Variants in LYRM4 observed in about 807,000 individuals in gnomAD.
LYRM4 encodes the protein LYR motif containing 4.
In LYRM4, 9 loss-of-function variants were observed where a neutral mutation model predicts 11.7. That is an observed-to-expected ratio of 0.77 (90% CI 0.46 to 1.34). LYRM4 has a LOEUF of 1.34. Among genes scored for constraint, LYRM4 ranks in the 40% most tolerant of loss-of-function variants. The probability of loss-of-function intolerance (pLI) is 0.00; values close to 1 mark genes in which losing one functional copy is unlikely to be tolerated. For missense variants in LYRM4, 133 were observed against 112.5 expected, an observed-to-expected ratio of 1.18 and a Z score of -0.82; for synonymous variants, 42 against 40.4, an observed-to-expected ratio of 1.04 and a Z score of -0.15.
At chr6:5,120,900 A>C (rs1031202557) in intron 2 of LYRM4, among the ~76,000 whole-genome samples, 3 of 152,186 alleles carry the variant, frequency 2.0e-5, no homozygotes, top group African/African-American at 7.2e-5. Flanking sequence ...TCGACCCAGG[A>C]AGTCCAGCTG....
intron 2 of LYRM4, among the ~76,000 whole-genome samples, chr6:5,188,092 T>A (rs1760526551): frequency 6.6e-6 from 1 of 152,220 alleles, no homozygotes; most frequent in African/African-American, 2.4e-5. Flanking sequence ...CTCACACCTG[T>A]AATCCCAACA....
At chr6:5,085,622 A>G in the LYRM4 span, 2 of 1,548,106 alleles carry the variant, frequency 1.3e-6, no homozygotes, top group Middle Eastern at 1.7e-4. Context: ...GGCGCTTCGG[A>G]GACCCCGAGT....
intron 2 of LYRM4, among the ~76,000 whole-genome samples, chr6:5,119,123 A>C (rs1159704588): frequency 6.6e-6 from 1 of 152,140 alleles, no homozygotes; most frequent in East Asian, 1.9e-4. Context: ...GTAAGCCTTG[A>C]ATGTTAGATA....
At chr6:5,222,640 A>G (rs1762645074) in intron 1 of LYRM4, among the ~76,000 whole-genome samples, 1 of 152,124 alleles carries the variant, frequency 6.6e-6, no homozygotes, top group Non-Finnish European at 1.5e-5. Flanking sequence ...ATTGAACTGT[A>G]CCCTTAAAAT....
chr6:5,031,903 C>T, the LYRM4 span: 145 of 152,224 alleles, frequency 9.5e-4, no homozygotes, highest in African/African-American at 3.1e-3. Context: ...ATCATCACAA[C>T]ATTTTAAAAA....
chr6:5,072,576 G>GTTTT, the LYRM4 span, among the ~76,000 whole-genome samples: 3 of 131,696 alleles, frequency 2.3e-5, no homozygotes, highest in Admixed American at 1.5e-4. Flanking sequence ...TCACATCAAA[G>GTTTT]TTTTTTTTTT....
At chr6:5,144,351 G>A in intron 2 of LYRM4, 2 of 1,432,390 alleles carry the variant, frequency 1.4e-6, no homozygotes, top group Non-Finnish European at 1.9e-6. Context: ...AAATATGTCA[G>A]GTGAGGCCGG....
chr6:5,240,079 A>G (rs961925205), intron 1 of LYRM4, among the ~76,000 whole-genome samples: 3 of 152,156 alleles, frequency 2.0e-5, no homozygotes, highest in Non-Finnish European at 2.9e-5. Flanking sequence ...AAAACACCAC[A>G]GGCTTCGAAG....
At chr6:5,102,209 G>A (rs1454590994), downstream of LYRM4, among the ~76,000 whole-genome samples, 1 of 151,820 alleles carries the variant, frequency 6.6e-6, no homozygotes, top group Non-Finnish European at 1.5e-5. Flanking sequence ...TGTTGGTTAT[G>A]TTTTAAGTAT....
intron 2 of LYRM4, chr6:5,113,356 T>C: frequency 2.2e-6 from 1 of 446,584 alleles, no homozygotes; most frequent in South Asian, 1.6e-5. Flanking sequence ...ACCTGGGAGG[T>C]GGAGGTTGCT....
At chr6:5,050,301 G>C in the LYRM4 span, among the ~76,000 whole-genome samples, 1 of 152,226 alleles carries the variant, frequency 6.6e-6, no homozygotes, top group Non-Finnish European at 1.5e-5. Context: ...GCCTGAGGCA[G>C]CTTGCAAAAA....
intron 2 of LYRM4, among the ~76,000 whole-genome samples, chr6:5,184,414 C>T (rs1038774799): frequency 3.3e-5 from 5 of 152,190 alleles, no homozygotes; most frequent in Non-Finnish European, 7.3e-5. Flanking sequence ...AGGTATTAAA[C>T]ATCCTGGTGT....
At chr6:5,222,764 G>GAAAAAAAAAAAAAAA (rs56295961) in intron 1 of LYRM4, among the ~76,000 whole-genome samples, 9 of 139,930 alleles carry the variant, frequency 6.4e-5, no homozygotes, top group Non-Finnish European at 9.2e-5. Context: ...AGCAAAACAA[G>GAAAAAAAAAAAAAAA]AAAAAAAAAA....
chr6:5,111,450 A>G (rs145177441), intron 2 of LYRM4, among the ~76,000 whole-genome samples: 66 of 152,344 alleles, frequency 4.3e-4, no homozygotes, highest in Non-Finnish European at 8.4e-4. Flanking sequence ...ATGGGACGGC[A>G]TAAGAAGAAA....
In LYRM4 at chr6:5,242,685, C is replaced by A. The variant is rs370002756; in HGVS notation, c.86+17963G>T. Among the ~76,000 whole-genome samples, 17 of 151,328 alleles carry A rather than the reference C, an allele frequency of 1.1e-4. No individual in the cohort carries two copies. In the East Asian group the frequency reaches 2.2e-3, roughly 19 times the overall value. ...AATGAGCCAAGATCATTCCATTGCACTCCAGCCTGGGCAACGAGAGCGAAA... is the reference window on the plus strand; with the variant it reads ...AATGAGCCAAGATCATTCCATTGCAATCCAGCCTGGGCAACGAGAGCGAAA... On this transcript the variant is annotated intron_variant, in intron 1 of 2. Transcript: ENST00000330636.
chr6:5,056,499 C>T, the LYRM4 span, among the ~76,000 whole-genome samples: 1 of 152,144 alleles, frequency 6.6e-6, no homozygotes, highest in Non-Finnish European at 1.5e-5. Context: ...GGATCTTTTA[C>T]CTATGCATAG....
At position 5,226,953 on chromosome 6, in the gene LYRM4, G is replaced by A. The variant is rs190928850; in HGVS notation, c.87-10215C>T. ...TGAAATTGTGTGAGAAGAGAATGGGGAAGGGTATATACAATTAGATCTACG... is the reference window on the plus strand; with the variant it reads ...TGAAATTGTGTGAGAAGAGAATGGGAAAGGGTATATACAATTAGATCTACG... On this transcript the variant is annotated intron_variant, in intron 1 of 2. Transcript: ENST00000330636. 3.2e-3 allele frequency among the ~76,000 whole-genome samples: 490 copies of A among 152,256 alleles called. 3 individuals carry two copies. The highest frequency in any genetic ancestry group is 5.9e-3 in the Non-Finnish European group (401 of 68,018).
chr6:5,134,551 A>G (rs1196589119), intron 2 of LYRM4, among the ~76,000 whole-genome samples: 1 of 152,250 alleles, frequency 6.6e-6, no homozygotes, highest in East Asian at 1.9e-4. Context: ...TATGTTTTAA[A>G]AAGAATCATC....
intron 2 of LYRM4, among the ~76,000 whole-genome samples, chr6:5,213,861 C>T (rs1293141854): frequency 6.6e-6 from 1 of 152,216 alleles, no homozygotes; most frequent in African/African-American, 2.4e-5. Context: ...CATAACATTT[C>T]CTATGTGCTA....
Sources: allele counts gnomAD v4.1 joint callset (sites outside exome capture counted in the v4.1 genomes callset), GRCh38; gene constraint gnomAD v4.1.1; transcripts MANE v1.5; gene names NCBI Gene and HGNC (gene_info 2026-07-23, HGNC 2026-07-21).